PPFIA2: variants seen among roughly 807,000 people sequenced by gnomAD.
The protein encoded by PPFIA2 is PPFI scaffold protein A2.
Under a neutral mutation model 175.5 loss-of-function variants are expected in PPFIA2, and 46 were observed. The observed-to-expected ratio is 0.26, with a 90% CI of 0.21 to 0.34. PPFIA2 has a LOEUF of 0.34. Ranked by LOEUF, PPFIA2 falls within the 10% of genes least tolerant of loss-of-function variation. The pLI, the probability that PPFIA2 is intolerant of heterozygous loss-of-function variation, is 1.00. For synonymous variants in PPFIA2, 568 were observed against 511.4 expected (o/e 1.11, Z -1.49); for missense variants, 1,179 against 1,506.1 (o/e 0.78, Z 3.60).
chr12:81,707,333 C>A (rs1239960253), intron 3 of PPFIA2, among the ~76,000 whole-genome samples: 1 of 151,890 alleles, frequency 6.6e-6, no homozygotes, highest in East Asian at 1.9e-4. Context: ...AAGAAAAAAA[C>A]AAACAACCCC....
At chr12:81,486,152 G>A (rs1398285287) in intron 4 of PPFIA2, among the ~76,000 whole-genome samples, 1 of 151,796 alleles carries the variant, frequency 6.6e-6, no homozygotes, top group African/African-American at 2.4e-5. Context: ...CACTTAATAT[G>A]TATCAGCTTA....
At chr12:81,604,696 G>A (rs115273422) in intron 4 of PPFIA2, among the ~76,000 whole-genome samples, 1,574 of 151,412 alleles carry the variant, frequency 0.01, 30 homozygotes, top group African/African-American at 0.033. Context: ...TTACGTGAAG[G>A]GTAAATAACA....
At chr12:81,662,050 A>G (rs1346937950) in intron 4 of PPFIA2, among the ~76,000 whole-genome samples, 1 of 151,956 alleles carries the variant, frequency 6.6e-6, no homozygotes, top group African/African-American at 2.4e-5. Flanking sequence ...ATTTAAAGCA[A>G]TGTGTAGAGG....
At chr12:81,322,610 C>T (rs1187901272) in intron 22 of PPFIA2, among the ~76,000 whole-genome samples, 1 of 152,092 alleles carries the variant, frequency 6.6e-6, no homozygotes, top group Non-Finnish European at 1.5e-5. Context: ...TAACTATACT[C>T]TACATAAACC....
intron 24 of PPFIA2, among the ~76,000 whole-genome samples, chr12:81,286,536 G>T (rs146510260): frequency 1.5e-3 from 222 of 152,052 alleles, no homozygotes; most frequent in Non-Finnish European, 1.3e-3. Context: ...TTGTACCCTG[G>T]AGCAATAAGT....
intron 1 of PPFIA2, 100 bp from the exon 2 acceptor site, chr12:81,758,607 C>T (rs934483315): frequency 2.8e-6 from 1 of 352,550 alleles, no homozygotes; most frequent in African/African-American, 2.1e-5. Context: ...TCGGCATCTT[C>T]CCGTGGCTCC....
At chr12:81,476,959 C>G (rs1180372660) in intron 4 of PPFIA2, among the ~76,000 whole-genome samples, 2 of 152,176 alleles carry the variant, frequency 1.3e-5, no homozygotes, top group Admixed American at 6.5e-5. Flanking sequence ...AACCCAGGAA[C>G]AGAAAACCAA....
At chr12:81,506,554 T>A (rs756942085) in intron 4 of PPFIA2, among the ~76,000 whole-genome samples, 1 of 152,230 alleles carries the variant, frequency 6.6e-6, no homozygotes, top group Non-Finnish European at 1.5e-5. Context: ...TTTTGATGAA[T>A]TGAATTAAAC....
At chr12:81,480,739 A>G (rs544587051) in intron 4 of PPFIA2, among the ~76,000 whole-genome samples, 50 of 152,200 alleles carry the variant, frequency 3.3e-4, no homozygotes, top group African/African-American at 1.1e-3. Context: ...TCACCAGAGG[A>G]GGCTGCAGAC....
intron 3 of PPFIA2, among the ~76,000 whole-genome samples, chr12:81,697,964 A>G (rs1172093648): frequency 1.3e-5 from 2 of 152,186 alleles, no homozygotes; most frequent in Admixed American, 1.3e-4. Flanking sequence ...AGCCAATGTG[A>G]TAAGAATAAT....
chr12:81,389,788 G>A (rs1010625314), intron 8 of PPFIA2, among the ~76,000 whole-genome samples: 2 of 151,988 alleles, frequency 1.3e-5, no homozygotes, highest in African/African-American at 4.8e-5. Context: ...ATTTTAAGCA[G>A]CTCTACTGGG....
intron 4 of PPFIA2, among the ~76,000 whole-genome samples, chr12:81,505,130 A>G (rs2061006996): frequency 6.6e-6 from 1 of 152,152 alleles, no homozygotes; most frequent in African/African-American, 2.4e-5. Context: ...CCCAGTAATC[A>G]GTATTTTTGA....
intron 7 of PPFIA2, among the ~76,000 whole-genome samples, chr12:81,435,890 C>T (rs2048899168): frequency 6.6e-6 from 1 of 152,038 alleles, no homozygotes; most frequent in African/African-American, 2.4e-5. Context: ...CATAATATAG[C>T]ACCCTTACTC....
At chr12:81,665,988 CA>C (rs2070159625) in intron 4 of PPFIA2, among the ~76,000 whole-genome samples, 1 of 152,120 alleles carries the variant, frequency 6.6e-6, no homozygotes, top group African/African-American at 2.4e-5. Flanking sequence ...GACATTTATG[CA>C]GCCAAAAAAC....
chr12:81,275,713 A>G (rs1400701373), intron 28 of PPFIA2, among the ~76,000 whole-genome samples: 1 of 152,054 alleles, frequency 6.6e-6, no homozygotes, highest in East Asian at 1.9e-4. Flanking sequence ...AAATACAACT[A>G]ATAAGTATTT....
intron 21 of PPFIA2, among the ~76,000 whole-genome samples, chr12:81,332,088 C>G (rs911402160): frequency 6.6e-6 from 1 of 152,044 alleles, no homozygotes; most frequent in African/African-American, 2.4e-5. Flanking sequence ...AGCTGACAAA[C>G]TGCCTCTGGA....
Position 81,655,227 on chromosome 12 carries a change from AAT to A in PPFIA2, c.303+21562_303+21563del, listed in dbSNP as rs57324089. 6.2e-3 allele frequency among the ~76,000 whole-genome samples: 940 copies of A among 152,034 alleles called. 31 individuals carry two copies. In the East Asian group the frequency reaches 0.089, roughly 14 times the overall value. On this transcript the variant is annotated intron_variant, in intron 4 of 32. Coordinates refer to ENST00000549396, the MANE Select transcript of PPFIA2 (RefSeq NM_003625.5). ...TTGATGAACCCGCCAGAGAGTTGTCAATGTTAATTTTCCCCCAAAAATCAACT... is the reference window on the plus strand; with the variant it reads ...TTGATGAACCCGCCAGAGAGTTGTCAGTTAATTTTCCCCCAAAAATCAACT...
chr12:81,463,010 C>A (rs758250390), intron 4 of PPFIA2, among the ~76,000 whole-genome samples: 2 of 151,986 alleles, frequency 1.3e-5, no homozygotes, highest in Non-Finnish European at 2.9e-5. Flanking sequence ...TCTAGTCTAG[C>A]ATTTCTCAAA....
intron 4 of PPFIA2, among the ~76,000 whole-genome samples, chr12:81,513,697 T>C (rs1214528677): frequency 2.6e-5 from 4 of 152,070 alleles, no homozygotes; most frequent in African/African-American, 4.8e-5. Flanking sequence ...AAAATGATTT[T>C]ATGTAGTTTT....
Sources: gnomAD v4.1 joint callset for allele counts (sites outside exome capture counted in the v4.1 genomes callset) on GRCh38, gnomAD v4.1.1 for gene constraint, MANE v1.5 for transcripts, NCBI Gene and HGNC (gene_info 2026-07-23, HGNC 2026-07-21) for gene names.